TRMT10C: variants seen among roughly 807,000 people sequenced by gnomAD.
TRMT10C encodes tRNA methyltransferase 10C, mitochondrial RNase P subunit.
TRMT10C carries 14 observed loss-of-function variants against 27.4 expected under a neutral mutation model. The observed-to-expected ratio is 0.51, with a 90% CI of 0.34 to 0.80. The LOEUF (loss-of-function observed/expected upper bound fraction) is 0.80. Ranked by LOEUF, TRMT10C falls within the 30% of genes least tolerant of loss-of-function variation. The pLI is 0.02. For synonymous variants in TRMT10C, 143 were observed against 155.9 expected (o/e 0.92, Z 0.62); for missense variants, 438 against 464.8 (o/e 0.94, Z 0.53).
rs767663058 is a variant in TRMT10C, at chr3:101,565,129, G to A, written c.348G>A (p.Glu116=). Residue 116 remains glutamate (E), a synonymous_variant, in exon 2 of 2, where the codon GAG becomes GAA. Coordinates refer to ENST00000309922, the MANE Select transcript of TRMT10C (RefSeq NM_017819.4). ...REVPEHITEE[E]LKTLMECVSN... The stretch of plus-strand genomic sequence containing the variant: ...TACCAGAACACATCACTGAAGAAGA[G>A]CTCAAAACCCTTATGGAATGTGTTT... The A allele has an allele frequency of 4.3e-6, 7 of 1,611,990 alleles. No homozygotes were observed. The highest frequency in any genetic ancestry group is 5.9e-6 in the Non-Finnish European group (7 of 1,179,302).
chr3:101,564,607 G>C (rs1934477750), intron 1 of TRMT10C, among the ~76,000 whole-genome samples, 163 bp from the exon 2 acceptor site: 1 of 152,082 alleles, frequency 6.6e-6, no homozygotes, highest in Non-Finnish European at 1.5e-5. Context: ...GTGATCACAG[G>C]CTGTAGACCA....
At position 101,565,195 on chromosome 3, in the gene TRMT10C, G is replaced by A. The variant is rs373862967; in HGVS notation, c.414G>A (p.Thr138=). ...AKKKYLKYLY[T]KEKVKKARQI... Reference sequence around the variant, plus strand: ...AAAAATATTTAAAATATTTATATACGAAGGAAAAAGTGAAAAAAGCTAGGC... The same window carrying A: ...AAAAATATTTAAAATATTTATATACAAAGGAAAAAGTGAAAAAAGCTAGGC... Residue 138 remains threonine (T), a synonymous_variant, in exon 2 of 2, where the codon ACG becomes ACA. Transcript: ENST00000309922. The A allele has an allele frequency of 6.3e-4, 986 of 1,573,750 alleles. No individual in the cohort carries two copies. The highest frequency in any genetic ancestry group is 8.2e-4 in the Non-Finnish European group (948 of 1,163,044).
intron 1 of TRMT10C, among the ~76,000 whole-genome samples, chr3:101,563,794 C>T (rs1018505071): frequency 6.6e-6 from 1 of 152,304 alleles, no homozygotes; most frequent in South Asian, 2.1e-4. Context: ...GACATCCAGG[C>T]TTTTAGGATA....
rs1158880684 is a variant in TRMT10C, at chr3:101,566,133, A to G, written c.*140A>G. On this transcript the variant is annotated 3_prime_UTR_variant, in exon 2 of 2. Transcript: ENST00000309922. ...CAAACAATTCATTTTTCTCTTCTAAAGGTAGTCTTTCCCAACTGACTGTAG... is the reference window on the plus strand; with the variant it reads ...CAAACAATTCATTTTTCTCTTCTAAGGGTAGTCTTTCCCAACTGACTGTAG... 3 of 1,018,658 alleles carry G rather than the reference A, an allele frequency of 2.9e-6. No individual in the cohort carries two copies. The highest frequency in any genetic ancestry group is 4.2e-6 in the Non-Finnish European group (3 of 715,212). The allele number at this position is 1,018,658 out of a possible 1,614,324, so 63.1% of individuals were successfully genotyped here. A position where few individuals can be genotyped will look rare whatever the true frequency, so the allele number is the denominator to read the frequency against.
intron 1 of TRMT10C, among the ~76,000 whole-genome samples, chr3:101,562,630 A>G (rs1934435123): frequency 6.6e-6 from 1 of 151,854 alleles, no homozygotes; most frequent in Non-Finnish European, 1.5e-5. Flanking sequence ...CTGGAGTGAC[A>G]GAGCGAGACT....
rs760294829 is a variant in TRMT10C at position 101,565,069 on chromosome 3, G to C, written c.288G>C (p.Glu96Asp). 3.7e-6 allele frequency: 6 copies of C among 1,614,006 alleles called. No homozygotes were observed. Among genetic ancestry groups the C allele is most frequent in the Non-Finnish European group, 5.1e-6 (6 of 1,180,024 alleles). ...AAGATCCTCTAGCTGCCACCAGAGA[G>C]TTCATTGAGATGTGGAGATTGCTTG... ...KDEDPLAATR[E>D]FIEMWRLLGR... is the part of the protein sequence containing the mutation. The change falls in exon 2 of 2, where the codon GAG becomes GAC. Residue 96 changes from glutamate to aspartate, a missense_variant. Transcript: ENST00000309922.
Position 101,566,055 on chromosome 3 carries a change from T to C in TRMT10C, c.*62T>C. 1 of 1,487,446 alleles carries C rather than the reference T, an allele frequency of 6.7e-7. No homozygotes were observed. The highest frequency in any genetic ancestry group is 9.0e-7 in the Non-Finnish European group (1 of 1,109,950). 92.1% of individuals were successfully genotyped at this position (1,487,446 alleles called of 1,614,324 possible). A position where few individuals can be genotyped will look rare whatever the true frequency, so the allele number is the denominator to read the frequency against. ...ACGTGGCTCAAATGAGAACATTTGA[T>C]GGCTTAAAAAGTAAATGCGTTAGAA... is the stretch of plus-strand genomic sequence containing the variant. On this transcript the variant is annotated 3_prime_UTR_variant, in exon 2 of 2. Coordinates refer to ENST00000309922, the MANE Select transcript of TRMT10C (RefSeq NM_017819.4).
At position 101,564,817 on chromosome 3, in the gene TRMT10C, T is replaced by C. The variant is rs762674529; in HGVS notation, c.36T>C (p.Asn12=). ...TCCTCAAAATGAGTGTTAGTGTCAA[T>C]TTCTTCAGACCTTTCACCAGGTTTT... ...AAFLKMSVSV[N]FFRPFTRFLV... is the part of the protein sequence containing the mutation. The change falls in exon 2 of 2, where the codon AAT becomes AAC. Residue 12 remains asparagine, a synonymous_variant. Coordinates refer to ENST00000309922, the MANE Select transcript of TRMT10C (RefSeq NM_017819.4). The C allele has an allele frequency of 5.0e-6, 8 of 1,603,070 alleles. No individual in the cohort carries two copies. The highest frequency in any genetic ancestry group is 6.0e-6 in the Non-Finnish European group (7 of 1,173,354).
At chr3:101,562,801 G>T (rs1215318171) in intron 1 of TRMT10C, among the ~76,000 whole-genome samples, 1 of 151,782 alleles carries the variant, frequency 6.6e-6, no homozygotes, top group African/African-American at 2.4e-5. Flanking sequence ...TATAGACAAA[G>T]TCCTTGTCCT....
chr3:101,562,411 T>C (rs998978876), intron 1 of TRMT10C, among the ~76,000 whole-genome samples: 16 of 152,122 alleles, frequency 1.1e-4, no homozygotes, highest in African/African-American at 3.6e-4. Flanking sequence ...CCCAGCACAA[T>C]GAGAGGCCGA....
Position 101,564,838 on chromosome 3 carries a change from GT to G in TRMT10C, c.62del (p.Leu21TrpfsTer13). 1.2e-6 allele frequency: 2 copies of G among 1,612,626 alleles called. No homozygotes were observed. Among genetic ancestry groups the G allele is most frequent in the Non-Finnish European group, 1.7e-6 (2 of 1,179,066 alleles). ...SVNFFRPFTRFLVPFTLHRKR... is the reference protein window; with the variant it reads ...SVNFFRPFTRXLVPFTLHRKR... ...TCAATTTCTTCAGACCTTTCACCAGGTTTTTGGTGCCATTTACCCTTCATAG... is the reference window on the plus strand; with the variant it reads ...TCAATTTCTTCAGACCTTTCACCAGGTTTTGGTGCCATTTACCCTTCATAG... On this transcript the variant is annotated frameshift_variant, in exon 2 of 2. Transcript: ENST00000309922. LOFTEE classifies it high-confidence loss of function.
chr3:101,565,790 C>T lies in TRMT10C; in HGVS notation c.1009C>T (p.Pro337Ser). ...GCTGAACCTGGCAACTGAATGCCTTCCATTAGATAAATATTTACAATGGGA... is the reference window on the plus strand; with the variant it reads ...GCTGAACCTGGCAACTGAATGCCTTTCATTAGATAAATATTTACAATGGGA... ...KRLNLATECL[P>S]LDKYLQWEIG... Residue 337 changes from proline to serine, a missense_variant, in exon 2 of 2, where the codon CCA (proline) becomes TCA (serine). Physicochemically the swap from Pro to Ser is moderately conservative, Grantham distance 74. Transcript: ENST00000309922. The T allele has an allele frequency of 6.2e-7, 1 of 1,614,040 alleles. No homozygotes were observed. The highest frequency in any genetic ancestry group is 8.5e-7 in the Non-Finnish European group (1 of 1,179,952).
At chr3:101,562,863 C>T (rs964992531) in intron 1 of TRMT10C, among the ~76,000 whole-genome samples, 1 of 151,932 alleles carries the variant, frequency 6.6e-6, no homozygotes. Context: ...GATAACCAGG[C>T]AATTACAGTG....
Position 101,565,095 on chromosome 3 carries a change from G to T in TRMT10C, c.314G>T (p.Gly105Val), listed in dbSNP as rs1400871198. 2 of 1,613,870 alleles carry T rather than the reference G, an allele frequency of 1.2e-6. No homozygotes were observed. Among genetic ancestry groups the T allele is most frequent in the Non-Finnish European group, 1.7e-6 (2 of 1,180,004 alleles). ...TTCATTGAGATGTGGAGATTGCTTG[G>T]CAGAGAAGTACCAGAACACATCACT... ...REFIEMWRLL[G>V]REVPEHITEE... The change falls in exon 2 of 2, where the codon GGC (glycine) becomes GTC (valine). Residue 105 changes from glycine to valine, a missense_variant. Gly to Val is a moderately radical substitution (Grantham distance 109). Transcript: ENST00000309922.
In TRMT10C at chr3:101,566,040, A is replaced by G. The variant is rs780446649; in HGVS notation, c.*47A>G. On this transcript the variant is annotated 3_prime_UTR_variant, in exon 2 of 2. Transcript: ENST00000309922. ...GAATGTGCACAGAACACGTGGCTCA[A>G]ATGAGAACATTTGATGGCTTAAAAA... 2.0e-6 allele frequency: 3 copies of G among 1,524,376 alleles called. No individual in the cohort carries two copies. The highest frequency in any genetic ancestry group is 2.6e-6 in the Non-Finnish European group (3 of 1,138,026). The allele number at this position is 1,524,376 out of a possible 1,614,324, so 94.4% of individuals were successfully genotyped here. A position where few individuals can be genotyped will look rare whatever the true frequency, so the allele number is the denominator to read the frequency against.
chr3:101,566,089 C>G lies in TRMT10C; in HGVS notation c.*96C>G. On this transcript the variant is annotated 3_prime_UTR_variant, in exon 2 of 2. Coordinates refer to ENST00000309922, the MANE Select transcript of TRMT10C (RefSeq NM_017819.4). ...AAGTAAATGCGTTAGAAATACAGTT[C>G]TGTTAATGTATTTCTTCCCAAACAA... 1 of 1,292,062 alleles carries G rather than the reference C, an allele frequency of 7.7e-7. No homozygotes were observed. The allele number at this position is 1,292,062 out of a possible 1,614,324, so 80.0% of individuals were successfully genotyped here.
intron 1 of TRMT10C, among the ~76,000 whole-genome samples, chr3:101,562,700 A>G (rs575276413): frequency 1.3e-5 from 2 of 151,134 alleles, no homozygotes; most frequent in South Asian, 2.1e-4. Flanking sequence ...TTTTTTTTTA[A>G]TGAAGGAAGC....
chr3:101,564,879 TAAC>T lies in TRMT10C; in HGVS notation c.101_103del (p.Thr34del). The T allele has an allele frequency of 6.2e-7, 1 of 1,614,070 alleles. No homozygotes were observed. The highest frequency in any genetic ancestry group is 8.5e-7 in the Non-Finnish European group (1 of 1,180,002). ...ACCCTTCATAGGAAGAGAAATAACT[TAAC>T]AATTTTGCAGAGATACATGTCTTCC... On this transcript the variant is annotated inframe_deletion, in exon 2 of 2. Coordinates refer to ENST00000309922, the MANE Select transcript of TRMT10C (RefSeq NM_017819.4).
Position 101,565,269 on chromosome 3 carries a change from T to C in TRMT10C, c.488T>C (p.Ile163Thr). ...GCAGCAAGGGAAGAAGCAAAAAATATCAAGCTGCTAGAAACCACTGAGGAA... is the reference window on the plus strand; with the variant it reads ...GCAGCAAGGGAAGAAGCAAAAAATACCAAGCTGCTAGAAACCACTGAGGAA... ...KAAAREEAKN[I>T]KLLETTEEDK... is the part of the protein sequence containing the mutation. Residue 163 changes from isoleucine to threonine, a missense_variant, in exon 2 of 2, where the codon ATC becomes ACC. Coordinates refer to ENST00000309922, the MANE Select transcript of TRMT10C (RefSeq NM_017819.4). 3 of 1,611,444 alleles carry C rather than the reference T, an allele frequency of 1.9e-6. No individual in the cohort carries two copies. The highest frequency in any genetic ancestry group is 1.7e-6 in the Non-Finnish European group (2 of 1,179,020).
Sources: allele counts gnomAD v4.1 joint callset (sites outside exome capture counted in the v4.1 genomes callset), GRCh38; gene constraint gnomAD v4.1.1; transcripts MANE v1.5; gene names NCBI Gene and HGNC (gene_info 2026-07-23, HGNC 2026-07-21).